Variants in UQCC1 observed in about 807,000 individuals in gnomAD.
UQCC1 encodes bFGF-repressed Zic-binding protein.
Under a neutral mutation model 48.0 loss-of-function variants are expected in UQCC1, and 38 were observed. The observed-to-expected ratio is 0.79, with a 90% CI of 0.61 to 1.04. The LOEUF (loss-of-function observed/expected upper bound fraction) is 1.04, where lower values mean the gene tolerates loss of function less well. Among genes scored for constraint, UQCC1 ranks in the 50% least tolerant of loss-of-function variants. The pLI is 0.00. For synonymous variants in UQCC1, 111 were observed against 129.2 expected (o/e 0.86, Z 0.95); for missense variants, 368 against 381.8 (o/e 0.96, Z 0.30).
At position 35,371,993 on chromosome 20, in the gene UQCC1, G is replaced by A. The variant is rs1004691815; in HGVS notation, c.406+2191C>T. On this transcript the variant is annotated intron_variant, in intron 5 of 9. Coordinates refer to ENST00000374385, the MANE Select transcript of UQCC1 (RefSeq NM_018244.5). ...TAGAGCCACTGATTCCAGCCTAGGTGACAGAGCAAGATCATCTCTTAAAAA... is the reference window on the plus strand; with the variant it reads ...TAGAGCCACTGATTCCAGCCTAGGTAACAGAGCAAGATCATCTCTTAAAAA... 3.9e-5 allele frequency among the ~76,000 whole-genome samples: 6 copies of A among 152,110 alleles called. No homozygotes were observed. In the East Asian group the frequency reaches 7.7e-4, roughly 20 times the overall value.
At chr20:35,359,041 T>G (rs1466176093) in intron 6 of UQCC1, among the ~76,000 whole-genome samples, 1 of 151,890 alleles carries the variant, frequency 6.6e-6, no homozygotes, top group Non-Finnish European at 1.5e-5. Context: ...CGTGCAAATA[T>G]CTCTAAAAGG....
intron 5 of UQCC1, 81 bp from the exon 6 acceptor site, chr20:35,366,695 G>T: frequency 8.2e-7 from 1 of 1,223,778 alleles, no homozygotes; most frequent in Non-Finnish European, 1.2e-6. Flanking sequence ...GGCAGGCACG[G>T]CACTTATGGT....
intron 8 of UQCC1, among the ~76,000 whole-genome samples, chr20:35,308,859 C>T (rs1462579264): frequency 1.3e-5 from 2 of 152,144 alleles, no homozygotes; most frequent in Non-Finnish European, 2.9e-5. Flanking sequence ...GGACTACGGG[C>T]ATGTGCCATC....
intron 1 of UQCC1, among the ~76,000 whole-genome samples, chr20:35,404,821 T>C (rs1443602947): frequency 2.0e-5 from 3 of 151,954 alleles, no homozygotes; most frequent in Admixed American, 6.6e-5. Flanking sequence ...TGAAAACAAA[T>C]AGAGGTAACT....
intron 1 of UQCC1, among the ~76,000 whole-genome samples, chr20:35,400,621 A>G (rs111299133): frequency 6.6e-6 from 1 of 151,248 alleles, no homozygotes; most frequent in South Asian, 2.1e-4. Context: ...TCAGCCTCCC[A>G]AGTAGCTGGG....
chr20:35,386,340 C>T (rs1353017330), intron 2 of UQCC1: 1 of 455,662 alleles, frequency 2.2e-6, no homozygotes, highest in Non-Finnish European at 4.4e-6. Flanking sequence ...CTGGTTTATT[C>T]CAAGAAGAAA....
intron 7 of UQCC1, among the ~76,000 whole-genome samples, chr20:35,320,702 G>A (rs1381130940): frequency 6.6e-6 from 1 of 152,202 alleles, no homozygotes; most frequent in Non-Finnish European, 1.5e-5. Flanking sequence ...GAGAGTGGGT[G>A]TAATTATGGT....
chr20:35,345,152 A>G (rs1334589209), intron 7 of UQCC1: 1 of 152,230 alleles, frequency 6.6e-6, no homozygotes, highest in Non-Finnish European at 1.5e-5. Flanking sequence ...CGGTAATGTA[A>G]TAAGTGTTTC....
rs146867960 is a variant in UQCC1, at chr20:35,368,205, T to G, written c.407-1591A>C. Among the ~76,000 whole-genome samples, 1,045 of 152,250 alleles carry G rather than the reference T, an allele frequency of 6.9e-3. 3 individuals carry two copies. Among genetic ancestry groups the G allele is most frequent in the Non-Finnish European group, 0.011 (738 of 68,020 alleles). Reference sequence around the variant, plus strand: ...CTAAATGATAACAAAGAGGGGACACTAGGAGATAACACATAGGCCCGGACC... The same window carrying G: ...CTAAATGATAACAAAGAGGGGACACGAGGAGATAACACATAGGCCCGGACC... On this transcript the variant is annotated intron_variant, in intron 5 of 9. Transcript: ENST00000374385.
intron 7 of UQCC1, chr20:35,315,289 G>A (rs1333761105): frequency 6.4e-6 from 1 of 155,178 alleles, no homozygotes; most frequent in African/African-American, 2.4e-5. Context: ...GAGCATTCTA[G>A]ACAGAGCAAG....
At chr20:35,387,514 ATT>A (rs747450589) in intron 2 of UQCC1, among the ~76,000 whole-genome samples, 2 of 142,720 alleles carry the variant, frequency 1.4e-5, no homozygotes. Context: ...AACTAGGTGG[ATT>A]TTTTTTTTTT....
intron 3 of UQCC1, among the ~76,000 whole-genome samples, chr20:35,382,565 T>C (rs1172443793): frequency 1.3e-4 from 19 of 143,634 alleles, no homozygotes; most frequent in Non-Finnish European, 2.3e-4. Flanking sequence ...CAGGCTGGAG[T>C]GCAGTGGCGA....
chr20:35,347,579 T>C (rs746404792), intron 6 of UQCC1, among the ~76,000 whole-genome samples: 1 of 152,076 alleles, frequency 6.6e-6, no homozygotes, highest in Non-Finnish European at 1.5e-5. Context: ...GGAACCACAT[T>C]TTTTTGTTAG....
intron 7 of UQCC1, among the ~76,000 whole-genome samples, chr20:35,339,801 G>C (rs1372696871): frequency 6.6e-6 from 1 of 152,050 alleles, no homozygotes; most frequent in Non-Finnish European, 1.5e-5. Flanking sequence ...TGTATGGGTA[G>C]AGATAAAGCA....
chr20:35,403,498 G>A lies in UQCC1; in HGVS notation c.24+8442C>T, dbSNP rs376905090. Among the ~76,000 whole-genome samples the A allele has an allele frequency of 5.9e-5, 9 of 152,262 alleles. No homozygotes were observed. The East Asian group carries it at 1.7e-3, about 29-fold the overall frequency. On this transcript the variant is annotated intron_variant, in intron 1 of 9. Transcript: ENST00000374385. ...TCAGGAGACAAGTTGACTCCAGAAT[G>A]GGGATGATGTTCATCAAAGCCTTAC...
rs1427640125 is a variant in UQCC1, at chr20:35,314,723, T to G, written c.616A>C (p.Asn206His). The change falls in exon 8 of 10, where the codon AAT (asparagine) becomes CAT (histidine). Residue 206 changes from asparagine to histidine, a missense_variant. By Grantham distance (68) the Asn-to-His change is moderately conservative. Coordinates refer to ENST00000374385, the MANE Select transcript of UQCC1 (RefSeq NM_018244.5). Reference protein sequence around the residue: ...ILKKNMILMTNHFYAAILGYD... With the variant: ...ILKKNMILMTHHFYAAILGYD... Reference sequence around the variant, plus strand: ...CCCAAGATCGCTGCATAGAAATGATTTGTCATGAGGATCATGTTCTTCTTC... The same window carrying G: ...CCCAAGATCGCTGCATAGAAATGATGTGTCATGAGGATCATGTTCTTCTTC... 1.2e-6 allele frequency: 2 copies of G among 1,609,188 alleles called. No individual in the cohort carries two copies.
At chr20:35,399,863 A>AC (rs2062135704) in intron 1 of UQCC1, among the ~76,000 whole-genome samples, 1 of 150,180 alleles carries the variant, frequency 6.7e-6, no homozygotes, top group Admixed American at 6.6e-5. Flanking sequence ...ACTCAAAAAA[A>AC]AAAAAAAAGA....
In UQCC1 at chr20:35,360,847, T is replaced by C. The variant is rs193007975; in HGVS notation, c.464+5710A>G. 8.5e-5 allele frequency among the ~76,000 whole-genome samples: 13 copies of C among 152,230 alleles called. No individual in the cohort carries two copies. In the South Asian group the frequency reaches 1.0e-3, roughly 12 times the overall value. The stretch of plus-strand genomic sequence containing the variant: ...AAATGTTTGCTGTGCTCATATGACA[T>C]GTTCATACTCAGGGGAAGAGACCCC... On this transcript the variant is annotated intron_variant, in intron 6 of 9. Transcript: ENST00000374385.
chr20:35,308,462 G>A (rs1337959879), intron 8 of UQCC1, among the ~76,000 whole-genome samples: 1 of 152,264 alleles, frequency 6.6e-6, no homozygotes, highest in Non-Finnish European at 1.5e-5. Flanking sequence ...GGGAGCGCGT[G>A]TTATGGGGAC....
Sources: allele counts gnomAD v4.1 joint callset (sites outside exome capture counted in the v4.1 genomes callset), GRCh38; gene constraint gnomAD v4.1.1; transcripts MANE v1.5; gene names NCBI Gene and HGNC (gene_info 2026-07-23, HGNC 2026-07-21).